NXPH1: variants seen among roughly 807,000 people sequenced by gnomAD.
The protein encoded by NXPH1 is neurexophilin 1.
A neutral mutation model predicts 23.7 loss-of-function variants in NXPH1; 5 were observed. The observed-to-expected ratio is 0.21, with a 90% confidence interval of 0.11 to 0.44. The LOEUF (loss-of-function observed/expected upper bound fraction) is 0.44. Among genes scored for constraint, NXPH1 ranks in the 20% least tolerant of loss-of-function variants. NXPH1 has a pLI of 0.99. For synonymous variants in NXPH1, 144 were observed against 122.2 expected (o/e 1.18, Z -1.18); for missense variants, 324 against 321.6 (o/e 1.01, Z -0.06).
intron 2 of NXPH1, among the ~76,000 whole-genome samples, chr7:8,727,188 G>A (rs943177002): frequency 7.4e-6 from 1 of 134,696 alleles, no homozygotes; most frequent in African/African-American, 3.1e-5. Flanking sequence ...GGGGTTGTTT[G>A]TTTTTTTCTT....
rs750182154 is a variant in NXPH1, at chr7:8,483,940, C to T, written c.54+48173C>T. On this transcript the variant is annotated intron_variant, in intron 2 of 2. Transcript: ENST00000405863. Reference sequence around the variant, plus strand: ...ATTCCTATGCAAGCACAGCTAGCAACTAGAATAAATAACACTCCCCCCACC... The same window carrying T: ...ATTCCTATGCAAGCACAGCTAGCAATTAGAATAAATAACACTCCCCCCACC... Among the ~76,000 whole-genome samples the T allele has an allele frequency of 5.8e-4, 86 of 148,440 alleles. 1 individual carries two copies. The highest frequency in any genetic ancestry group is 2.3e-3 in the South Asian group (11 of 4,702).
At chr7:8,553,868 A>T (rs1047350206) in intron 2 of NXPH1, among the ~76,000 whole-genome samples, 1 of 151,712 alleles carries the variant, frequency 6.6e-6, no homozygotes, top group African/African-American at 2.4e-5. Flanking sequence ...ATTCCAAATC[A>T]TCACATAATT....
chr7:8,585,359 T>C (rs1332186787), intron 2 of NXPH1, among the ~76,000 whole-genome samples: 1 of 152,054 alleles, frequency 6.6e-6, no homozygotes, highest in African/African-American at 2.4e-5. Context: ...AAGCTTTGTG[T>C]TTTTGCTATA....
intron 2 of NXPH1, among the ~76,000 whole-genome samples, chr7:8,437,578 A>G (rs1584154129): frequency 6.6e-6 from 1 of 152,148 alleles, no homozygotes; most frequent in East Asian, 1.9e-4. Flanking sequence ...AAGTATTTCG[A>G]TAGTCTGGAA....
At chr7:8,560,322 C>A (rs1455454205) in intron 2 of NXPH1, among the ~76,000 whole-genome samples, 1 of 151,644 alleles carries the variant, frequency 6.6e-6, no homozygotes, top group African/African-American at 2.4e-5. Context: ...AGACTGTTGA[C>A]ATTTGAAAAC....
At chr7:8,481,221 A>G (rs1817067177) in intron 2 of NXPH1, among the ~76,000 whole-genome samples, 1 of 152,214 alleles carries the variant, frequency 6.6e-6, no homozygotes. Context: ...CGGAACTCAT[A>G]TAGAAGAAGC....
At chr7:8,649,952 A>G (rs1820464187) in intron 2 of NXPH1, among the ~76,000 whole-genome samples, 1 of 152,150 alleles carries the variant, frequency 6.6e-6, no homozygotes, top group African/African-American at 2.4e-5. Flanking sequence ...TAAATTAAGG[A>G]GGGACTGAAA....
chr7:8,490,681 A>C (rs1205525529), intron 2 of NXPH1, among the ~76,000 whole-genome samples: 3 of 152,032 alleles, frequency 2.0e-5, no homozygotes, highest in South Asian at 2.1e-4. Flanking sequence ...TGTGTTATAA[A>C]ATGTGAGAAT....
chr7:8,601,520 T>G (rs1473618110), intron 2 of NXPH1, among the ~76,000 whole-genome samples: 1 of 152,174 alleles, frequency 6.6e-6, no homozygotes, highest in Admixed American at 6.5e-5. Flanking sequence ...CCATTTTCCT[T>G]TTCTTCCTCA....
chr7:8,522,183 C>T (rs576312018), intron 2 of NXPH1, among the ~76,000 whole-genome samples: 1 of 152,252 alleles, frequency 6.6e-6, no homozygotes, highest in African/African-American at 2.4e-5. Flanking sequence ...GAGAGCAAGA[C>T]AAGTTACAAT....
chr7:8,530,196 C>T (rs947027008), intron 2 of NXPH1, among the ~76,000 whole-genome samples: 1 of 152,090 alleles, frequency 6.6e-6, no homozygotes, highest in Admixed American at 6.6e-5. Flanking sequence ...AGCTGGTTGG[C>T]TAAGGGGTAT....
At chr7:8,445,359 T>C (rs1021038954) in intron 2 of NXPH1, among the ~76,000 whole-genome samples, 6 of 152,182 alleles carry the variant, frequency 3.9e-5, no homozygotes, top group Non-Finnish European at 8.8e-5. Flanking sequence ...TCACTGGAAA[T>C]GTACACTATG....
chr7:8,523,122 T>G (rs1817800933), intron 2 of NXPH1, among the ~76,000 whole-genome samples: 1 of 152,260 alleles, frequency 6.6e-6, no homozygotes, highest in Non-Finnish European at 1.5e-5. Context: ...GATTGTTGGA[T>G]GAGTGGATAT....
intron 2 of NXPH1, among the ~76,000 whole-genome samples, chr7:8,492,630 T>C (rs547502036): frequency 1.3e-5 from 2 of 152,168 alleles, no homozygotes; most frequent in East Asian, 1.9e-4. Context: ...TATGCTTTAA[T>C]ATGTTATACA....
intron 2 of NXPH1, among the ~76,000 whole-genome samples, chr7:8,569,133 G>A (rs112250042): frequency 4.0e-5 from 6 of 151,894 alleles, no homozygotes; most frequent in African/African-American, 1.4e-4. Context: ...CAGACATTAT[G>A]TGCATTCTAA....
At chr7:8,740,093 A>T (rs1054997728) in intron 2 of NXPH1, among the ~76,000 whole-genome samples, 2 of 152,254 alleles carry the variant, frequency 1.3e-5, no homozygotes, top group South Asian at 2.1e-4. Flanking sequence ...GTTTCCAGTC[A>T]GGAGACAAGT....
At chr7:8,513,641 G>A (rs1374644288) in intron 2 of NXPH1, among the ~76,000 whole-genome samples, 1 of 152,030 alleles carries the variant, frequency 6.6e-6, no homozygotes, top group Non-Finnish European at 1.5e-5. Context: ...TTATGGTTTG[G>A]GGGAACAAGG....
chr7:8,464,682 A>G (rs970035838), intron 2 of NXPH1, among the ~76,000 whole-genome samples: 7 of 152,336 alleles, frequency 4.6e-5, no homozygotes, highest in Admixed American at 3.3e-4. Context: ...ATCTAGGACA[A>G]TAAAGGTGGA....
intron 2 of NXPH1, among the ~76,000 whole-genome samples, chr7:8,704,343 T>C (rs138640135): frequency 0.01 from 1,553 of 152,270 alleles, 27 homozygotes; most frequent in African/African-American, 0.035. Flanking sequence ...ATTTATTCCA[T>C]GTGTCTTGCA....
Sources: gnomAD v4.1 joint callset for allele counts (sites outside exome capture counted in the v4.1 genomes callset) on GRCh38, gnomAD v4.1.1 for gene constraint, MANE v1.5 for transcripts, NCBI Gene and HGNC (gene_info 2026-07-23, HGNC 2026-07-21) for gene names.